The following RAE1 variants were observed in gnomAD, a reference collection of about 807,000 sequenced individuals.
The protein encoded by RAE1 is mRNA export factor RAE1.
RAE1 carries 13 observed loss-of-function variants against 52.7 expected under a neutral mutation model. The observed-to-expected ratio is 0.25, with a 90% CI of 0.16 to 0.39. The LOEUF is 0.39. Ranked by LOEUF, RAE1 falls within the 10% of genes least tolerant of loss-of-function variation. The pLI is 1.00. For missense variants in RAE1, 262 were observed against 459.8 expected (o/e 0.57, Z 3.93); for synonymous variants, 164 against 153.1 (o/e 1.07, Z -0.52).
Position 57,368,734 on chromosome 20 carries a change from A to G in RAE1, c.564A>G (p.Ala188=). 6.2e-7 allele frequency: 1 copy of G among 1,613,772 alleles called. No individual in the cohort carries two copies. Among genetic ancestry groups the G allele is most frequent in the Non-Finnish European group, 8.5e-7 (1 of 1,179,886 alleles). The part of the protein sequence containing the change: ...VIYPMAVVAT[A]ERGLIVYQLE... ...ACCCCATGGCTGTGGTGGCAACTGC[A>G]GAGAGGGGCCTGATTGTCTATCAGC... Residue 188 remains alanine, a synonymous_variant, in exon 8 of 12, where the codon GCA becomes GCG. Coordinates refer to ENST00000395841, the MANE Select transcript of RAE1 (RefSeq NM_003610.4).
chr20:57,353,144 C>T (rs1272113119), intron 1 of RAE1, among the ~76,000 whole-genome samples: 1 of 152,152 alleles, frequency 6.6e-6, no homozygotes, highest in Non-Finnish European at 1.5e-5. Context: ...TTCAGCGTAA[C>T]AGGTAGTAGG....
intron 8 of RAE1, chr20:57,371,151 C>T (rs1207112032): frequency 1.3e-5 from 2 of 152,198 alleles, no homozygotes; most frequent in East Asian, 3.8e-4. Context: ...TGACATTGGT[C>T]TTGGCAGTAA....
chr20:57,374,500 A>G, intron 10 of RAE1, 107 bp from the exon 11 acceptor site: 1 of 1,031,490 alleles, frequency 9.7e-7, no homozygotes, highest in Non-Finnish European at 1.4e-6. Context: ...CTGGAAGGAA[A>G]TGTACCTGTG....
At chr20:57,357,020 G>C (rs992327258) in intron 4 of RAE1, among the ~76,000 whole-genome samples, 1 of 152,238 alleles carries the variant, frequency 6.6e-6, no homozygotes, top group African/African-American at 2.4e-5. Flanking sequence ...CAACAGTAGT[G>C]AGAATGTTAA....
chr20:57,358,998 A>C, intron 4 of RAE1: 2 of 1,516,338 alleles, frequency 1.3e-6, no homozygotes, highest in Non-Finnish European at 1.8e-6. Context: ...GATCAATTTC[A>C]CTGGTTGAAA....
At chr20:57,359,154 T>G in intron 4 of RAE1, 1 of 604,772 alleles carries the variant, frequency 1.7e-6, no homozygotes, top group Admixed American at 4.2e-5. Context: ...CTGGTAATGC[T>G]AGAGGTGATG....
chr20:57,365,980 G>T (rs2066949137), intron 5 of RAE1, among the ~76,000 whole-genome samples: 1 of 152,224 alleles, frequency 6.6e-6, no homozygotes, highest in African/African-American at 2.4e-5. Context: ...AGAGGGTCCA[G>T]CCTGCTAAGG....
At chr20:57,361,553 C>T (rs541630175) in intron 4 of RAE1, among the ~76,000 whole-genome samples, 1 of 152,268 alleles carries the variant, frequency 6.6e-6, no homozygotes, top group East Asian at 1.9e-4. Flanking sequence ...AGCATACGTG[C>T]ATGCGTGAGC....
chr20:57,352,165 A>AC (rs1409568163), intron 1 of RAE1, among the ~76,000 whole-genome samples: 1 of 105,420 alleles, frequency 9.5e-6, no homozygotes, highest in African/African-American at 6.2e-5. Context: ...TTATTGAAGT[A>AC]TAAAATAACA....
chr20:57,354,150 G>C lies in RAE1; in HGVS notation c.90+22G>C. 3 of 1,600,602 alleles carry C rather than the reference G, an allele frequency of 1.9e-6. No individual in the cohort carries two copies. In the South Asian group the frequency reaches 3.3e-5, roughly 18 times the overall value. ...GAAGGTACCACGAAAAGCTTCCTGGGGCTTGTAGGAAGAGTTTGGGCAGAG... is the reference window on the plus strand; with the variant it reads ...GAAGGTACCACGAAAAGCTTCCTGGCGCTTGTAGGAAGAGTTTGGGCAGAG... On this transcript the variant is annotated intron_variant, in intron 2 of 11. Transcript: ENST00000395841.
chr20:57,374,257 C>G (rs1000406440), intron 10 of RAE1, among the ~76,000 whole-genome samples: 1 of 152,152 alleles, frequency 6.6e-6, no homozygotes. Context: ...GATGTTTTGC[C>G]GAGAGTCTTC....
At chr20:57,366,674 A>G in intron 5 of RAE1, 133 bp from the exon 6 acceptor site, 1 of 800,126 alleles carries the variant, frequency 1.2e-6, no homozygotes, top group South Asian at 1.5e-5. Context: ...TAAAATGCTA[A>G]GTATGTTTTG....
At chr20:57,362,763 A>G (rs539935772) in intron 4 of RAE1, among the ~76,000 whole-genome samples, 1 of 152,344 alleles carries the variant, frequency 6.6e-6, no homozygotes, top group Admixed American at 6.5e-5. Flanking sequence ...AATGCTTTAC[A>G]GAAGACAAGA....
rs4811837 is a variant in RAE1, at chr20:57,354,825, T to A, written c.195+9T>A. 6.4e-7 allele frequency: 1 copy of A among 1,563,412 alleles called. No homozygotes were observed. Among genetic ancestry groups the A allele is most frequent in the South Asian group, 1.2e-5 (1 of 85,142 alleles). Reference sequence around the variant, plus strand: ...GATCATGGGCTAATGATGTAAGTGCTCCTTAAATACGTGTTCTAGAAATCA... The same window carrying A: ...GATCATGGGCTAATGATGTAAGTGCACCTTAAATACGTGTTCTAGAAATCA... On this transcript the variant is annotated intron_variant, in intron 3 of 11. Transcript: ENST00000395841.
chr20:57,354,804 A>G lies in RAE1; in HGVS notation c.183A>G (p.Ser61=), dbSNP rs35413125. ...CGGGGAACTTTCTTATTGCAGGATC[A>G]TGGGCTAATGATGTAAGTGCTCCTT... ...TLPGNFLIAG[S]WANDVRCWEV... is the part of the protein sequence containing the mutation. The change falls in exon 3 of 12, where the codon TCA becomes TCG. Residue 61 remains serine, a synonymous_variant. Transcript: ENST00000395841. 2.9e-3 allele frequency: 4,601 copies of G among 1,599,668 alleles called. 125 individuals are homozygous for G. In the African/African-American group the frequency reaches 0.055, roughly 19 times the overall value.
At chr20:57,352,916 G>A (rs912400175) in intron 1 of RAE1, among the ~76,000 whole-genome samples, 1 of 152,226 alleles carries the variant, frequency 6.6e-6, no homozygotes, top group African/African-American at 2.4e-5. Context: ...CAGAAGTGTG[G>A]CCGGCAAGGA....
rs1169429719 is a variant in RAE1 at position 57,351,339 on chromosome 20, C to G, written c.-91C>G. 7.1e-6 allele frequency: 7 copies of G among 985,312 alleles called. No homozygotes were observed. In the East Asian group the frequency reaches 4.5e-4, roughly 64 times the overall value. 61.0% of individuals were successfully genotyped at this position (985,312 alleles called of 1,614,324 possible). A position where few individuals can be genotyped will look rare whatever the true frequency, so the allele number is the denominator to read the frequency against. On this transcript the variant is annotated 5_prime_UTR_variant, in exon 1 of 12. Transcript: ENST00000395841. ...GATTTCTGTCCGCGCTCCTGGCCCT[C>G]GTCCTTCGCGCCAGAGCAGGTTCGC...
At chr20:57,373,144 A>G in intron 8 of RAE1, 1 of 324,076 alleles carries the variant, frequency 3.1e-6, no homozygotes, top group South Asian at 3.1e-5. Context: ...CTGCCTAGCC[A>G]GGGACGTCTC....
At chr20:57,363,917 G>T (rs1310684758) in intron 4 of RAE1, among the ~76,000 whole-genome samples, 1 of 152,158 alleles carries the variant, frequency 6.6e-6, no homozygotes. Context: ...TACACGGAAG[G>T]ATTAGCACAG....
Sources: gnomAD v4.1 joint callset for allele counts (sites outside exome capture counted in the v4.1 genomes callset) on GRCh38, gnomAD v4.1.1 for gene constraint, MANE v1.5 for transcripts, NCBI Gene and HGNC (gene_info 2026-07-23, HGNC 2026-07-21) for gene names.